The following EYS variants were observed in gnomAD, a reference collection of about 807,000 sequenced individuals.
The protein encoded by EYS is protein eyes shut homolog.
Under a neutral mutation model 282.1 loss-of-function variants are expected in EYS, and 250 were observed. That is an observed-to-expected ratio of 0.89 (90% confidence interval 0.80 to 0.98). EYS has a LOEUF of 0.98. Among genes scored for constraint, EYS ranks in the 50% least tolerant of loss-of-function variants. The pLI, the probability that EYS is intolerant of heterozygous loss-of-function variation, is 0.00. For missense variants in EYS, 4,016 were observed against 3,709.0 expected (o/e 1.08, Z -2.15); for synonymous variants, 1,355 against 1,282.9 (o/e 1.06, Z -1.20).
At chr6:64,097,231 T>C (rs1322611820) in intron 31 of EYS, among the ~76,000 whole-genome samples, 1 of 152,156 alleles carries the variant, frequency 6.6e-6, no homozygotes, top group Non-Finnish European at 1.5e-5. Context: ...TCTGTTCCGT[T>C]CTCCGATCTC....
intron 19 of EYS, among the ~76,000 whole-genome samples, chr6:64,855,717 AC>A (rs1198541642): frequency 3.9e-5 from 6 of 152,142 alleles, no homozygotes; most frequent in Non-Finnish European, 5.9e-5. Flanking sequence ...TCATGTATCC[AC>A]CATTCTAGTA....
At chr6:63,760,518 T>C (rs1444797801) in intron 41 of EYS, among the ~76,000 whole-genome samples, 7 of 152,038 alleles carry the variant, frequency 4.6e-5, no homozygotes, top group Non-Finnish European at 1.0e-4. Flanking sequence ...TTGGTTAACT[T>C]TGTGTTAGAA....
At chr6:64,863,297 G>A (rs545726575) in intron 19 of EYS, among the ~76,000 whole-genome samples, 77 of 152,096 alleles carry the variant, frequency 5.1e-4, no homozygotes, top group African/African-American at 1.8e-3. Flanking sequence ...CCCTTTCTCT[G>A]TTGAGACTTT....
intron 22 of EYS, among the ~76,000 whole-genome samples, chr6:64,684,882 C>G (rs1219537454): frequency 6.6e-6 from 1 of 151,710 alleles, no homozygotes; most frequent in Non-Finnish European, 1.5e-5. Context: ...ATTATCAATA[C>G]CAGATGGGAT....
intron 20 of EYS, among the ~76,000 whole-genome samples, chr6:64,822,390 A>G (rs973491996): frequency 6.6e-6 from 1 of 151,944 alleles, no homozygotes; most frequent in Non-Finnish European, 1.5e-5. Flanking sequence ...GTTACCTTTA[A>G]GTATATTAAA....
chr6:63,757,609 C>T (rs1018158522), intron 41 of EYS, among the ~76,000 whole-genome samples: 14 of 152,088 alleles, frequency 9.2e-5, no homozygotes, highest in East Asian at 3.9e-4. Context: ...TTTTGTGGCT[C>T]AGGTGGGCAT....
intron 22 of EYS, among the ~76,000 whole-genome samples, chr6:64,718,889 T>C (rs1771481712): frequency 6.6e-6 from 1 of 152,224 alleles, no homozygotes; most frequent in Non-Finnish European, 1.5e-5. Context: ...TGTGAATATT[T>C]TGTGTTACAC....
chr6:64,111,353 A>G (rs1264487381), intron 31 of EYS, among the ~76,000 whole-genome samples: 1 of 152,086 alleles, frequency 6.6e-6, no homozygotes, highest in Non-Finnish European at 1.5e-5. Flanking sequence ...GGCACCCACC[A>G]TAGGAGAAAA....
intron 12 of EYS, among the ~76,000 whole-genome samples, chr6:65,211,323 A>G (rs965653132): frequency 5.9e-5 from 9 of 152,026 alleles, no homozygotes; most frequent in Admixed American, 1.3e-4. Flanking sequence ...AAAGAATCTG[A>G]AAAATGTAGT....
At chr6:65,563,667 G>A (rs998377988) in intron 2 of EYS, among the ~76,000 whole-genome samples, 1 of 151,938 alleles carries the variant, frequency 6.6e-6, no homozygotes, top group Non-Finnish European at 1.5e-5. Flanking sequence ...CTAATGCATG[G>A]CACTTAAAAC....
chr6:64,819,554 A>G (rs1764838388), intron 21 of EYS, among the ~76,000 whole-genome samples: 1 of 151,992 alleles, frequency 6.6e-6, no homozygotes, highest in South Asian at 2.1e-4. Flanking sequence ...CTTAAAAGAA[A>G]CCATTAAGTT....
intron 36 of EYS, among the ~76,000 whole-genome samples, chr6:63,817,171 G>T (rs917064643): frequency 1.3e-5 from 2 of 152,214 alleles, no homozygotes; most frequent in Non-Finnish European, 2.9e-5. Context: ...AGAATCAAAG[G>T]TAATGCTACT....
intron 22 of EYS, among the ~76,000 whole-genome samples, chr6:64,737,199 C>A (rs1772213339): frequency 6.6e-6 from 1 of 152,146 alleles, no homozygotes; most frequent in Admixed American, 6.5e-5. Context: ...TCTGGATGTG[C>A]ATCTTTAAAA....
chr6:65,052,917 T>C (rs1359193524), intron 13 of EYS, among the ~76,000 whole-genome samples: 1 of 151,802 alleles, frequency 6.6e-6, no homozygotes, highest in East Asian at 1.9e-4. Flanking sequence ...TTTCCACATT[T>C]ATTTGTTTTT....
Position 65,491,969 on chromosome 6 carries a change from T to C in EYS, c.749-1262A>G, listed in dbSNP as rs574717795. Among the ~76,000 whole-genome samples the C allele has an allele frequency of 2.4e-4, 37 of 152,278 alleles. 1 individual carries two copies. The highest frequency in any genetic ancestry group is 8.9e-4 in the African/African-American group (37 of 41,580). On this transcript the variant is annotated intron_variant, in intron 4 of 42. Coordinates refer to ENST00000503581, the MANE Select transcript of EYS (RefSeq NM_001142800.2). ...GACACAGGGAGAAGACAGCAGTCTA[T>C]GGACCAAGCAAATAGATCTCAGAAG...
intron 26 of EYS, among the ~76,000 whole-genome samples, chr6:64,453,273 C>T (rs899794414): frequency 1.3e-5 from 2 of 152,104 alleles, no homozygotes; most frequent in Non-Finnish European, 2.9e-5. Flanking sequence ...TCATCACTGG[C>T]CATCAGAGAA....
chr6:64,867,844 T>G (rs1192568657), intron 19 of EYS, among the ~76,000 whole-genome samples: 1 of 151,638 alleles, frequency 6.6e-6, no homozygotes, highest in Non-Finnish European at 1.5e-5. Flanking sequence ...TAATTATTTG[T>G]GTATATTTCC....
At chr6:64,230,383 G>T (rs1418958203) in intron 31 of EYS, among the ~76,000 whole-genome samples, 1 of 152,000 alleles carries the variant, frequency 6.6e-6, no homozygotes, top group Non-Finnish European at 1.5e-5. Flanking sequence ...TATGTTGAAT[G>T]GCATTCCTAA....
At chr6:64,390,326 C>G (rs979114026) in intron 28 of EYS, among the ~76,000 whole-genome samples, 1 of 152,148 alleles carries the variant, frequency 6.6e-6, no homozygotes, top group Admixed American at 6.5e-5. Context: ...GGGCAGGGCA[C>G]GGACAAACAA....
Sources: allele counts gnomAD v4.1 joint callset (sites outside exome capture counted in the v4.1 genomes callset), GRCh38; gene constraint gnomAD v4.1.1; transcripts MANE v1.5; gene names NCBI Gene and HGNC (gene_info 2026-07-23, HGNC 2026-07-21).